The following CRTC2 variants were observed in gnomAD, a reference collection of about 807,000 sequenced individuals.
CRTC2 encodes the protein CREB-regulated transcription coactivator 2.
In CRTC2, 25 loss-of-function variants were observed where a neutral mutation model predicts 70.9. The ratio of observed to expected loss-of-function variants is 0.35; its 90% CI spans 0.26 to 0.49. CRTC2 has a LOEUF of 0.49. Ranked by LOEUF, CRTC2 falls within the 20% of genes least tolerant of loss-of-function variation. The pLI is 0.98. For synonymous variants in CRTC2, 330 were observed against 364.1 expected (o/e 0.91, Z 1.07); for missense variants, 737 against 882.6 (o/e 0.83, Z 2.09).
At position 153,948,607 on chromosome 1, in the gene CRTC2, A is replaced by G; in HGVS notation, c.1712T>C (p.Leu571Pro). ...AGAAAAGCCAGGGGGATCCAGCACCAGGCTGGCTGATGGGCTCTCCATGCT... is the reference window on the plus strand; with the variant it reads ...AGAAAAGCCAGGGGGATCCAGCACCGGGCTGGCTGATGGGCTCTCCATGCT... Reference protein sequence around the residue: ...QFSMESPSASLVLDPPGFSEG... With the variant: ...QFSMESPSASPVLDPPGFSEG... Residue 571 changes from leucine (L) to proline (P), a missense_variant, in exon 13 of 14, where the codon CTG (leucine) becomes CCG (proline). Leu to Pro is a moderately conservative substitution (Grantham distance 98). Transcript: ENST00000368633. 1.3e-6 allele frequency: 2 copies of G among 1,597,202 alleles called. No homozygotes were observed. The highest frequency in any genetic ancestry group is 2.2e-5 in the East Asian group (1 of 44,832).
At position 153,958,517 on chromosome 1, in the gene CRTC2, C is replaced by A. The variant is rs1444308759; in HGVS notation, c.-20G>T. Reference sequence around the variant, plus strand: ...CGCCATCTTCCTTCCCCGTCCCTCCCTGCCACCCTCCCAGTACCAGCCGCG... The same window carrying A: ...CGCCATCTTCCTTCCCCGTCCCTCCATGCCACCCTCCCAGTACCAGCCGCG... On this transcript the variant is annotated 5_prime_UTR_variant, in exon 1 of 14. The change creates a new upstream start codon in the 5' untranslated region. Coordinates refer to ENST00000368633, the MANE Select transcript of CRTC2 (RefSeq NM_181715.3). 2 of 1,600,506 alleles carry A rather than the reference C, an allele frequency of 1.2e-6. No homozygotes were observed. The highest frequency in any genetic ancestry group is 1.7e-4 in the Middle Eastern group (1 of 5,790).
intron 1 of CRTC2, among the ~76,000 whole-genome samples, chr1:153,957,841 C>A (rs1284368147): frequency 1.3e-5 from 2 of 152,124 alleles, no homozygotes; most frequent in Non-Finnish European, 2.9e-5. Flanking sequence ...GGACTTCCTG[C>A]CCCACTATAC....
intron 12 of CRTC2, 88 bp downstream of exon 12, chr1:153,949,027 T>A: frequency 9.9e-6 from 13 of 1,315,164 alleles, no homozygotes; most frequent in Middle Eastern, 1.8e-4. Context: ...GATCTCCCCA[T>A]TCACAGTGCA....
chr1:153,947,997 CT>C lies in CRTC2; in HGVS notation c.*111del. On this transcript the variant is annotated 3_prime_UTR_variant, in exon 14 of 14. Transcript: ENST00000368633. ...TCATTCTTGGCATCCTTCATTCATGCTAGAAAGAGGATCTGGGGACAGAGAG... is the reference window on the plus strand; with the variant it reads ...TCATTCTTGGCATCCTTCATTCATGCAGAAAGAGGATCTGGGGACAGAGAG... The C allele has an allele frequency of 9.3e-7, 1 of 1,079,722 alleles. No homozygotes were observed. Among genetic ancestry groups the C allele is most frequent in the Non-Finnish European group, 1.4e-6 (1 of 725,582 alleles). The allele number at this position is 1,079,722 out of a possible 1,614,324, so 66.9% of individuals were successfully genotyped here. A position where few individuals can be genotyped will look rare whatever the true frequency, so the allele number is the denominator to read the frequency against.
chr1:153,952,210 T>C lies in CRTC2; in HGVS notation c.805A>G (p.Met269Val), dbSNP rs756770225. The C allele has an allele frequency of 1.3e-5, 21 of 1,612,652 alleles. No homozygotes were observed. In the Admixed American group the frequency reaches 3.2e-4, roughly 24 times the overall value. Residue 269 changes from methionine to valine, a missense_variant, in exon 10 of 14, where the codon ATG (methionine) becomes GTG (valine). Met to Val is a conservative substitution (Grantham distance 21). Transcript: ENST00000368633. ...PANVPVLPPA[M>V]NTGGSLPDLT... Reference sequence around the variant, plus strand: ...TCAGGTAGGGAGCCCCCCGTGTTCATGGCAGGTGGGAGGACAGGCACATTG... The same window carrying C: ...TCAGGTAGGGAGCCCCCCGTGTTCACGGCAGGTGGGAGGACAGGCACATTG...
chr1:153,952,444 T>G lies in CRTC2; in HGVS notation c.705A>C (p.Leu235=). 1.2e-6 allele frequency: 2 copies of G among 1,614,072 alleles called. No individual in the cohort carries two copies. Among genetic ancestry groups the G allele is most frequent in the Non-Finnish European group, 1.7e-6 (2 of 1,180,000 alleles). Residue 235 remains leucine (L), a splice_region_variant and synonymous_variant, in exon 9 of 14, where the codon CTA becomes CTC. Transcript: ENST00000368633. ...HLLKPWDAKK[L]SSSSSRPRSC... ...ACCGAGGTCGGGAAGAGGATGAGGA[T>G]AGCTGAGGAGAGAAGGGAGAATATG...
intron 1 of CRTC2, 59 bp downstream of exon 1, chr1:153,958,286 T>C: frequency 6.4e-7 from 1 of 1,568,406 alleles, no homozygotes; most frequent in Non-Finnish European, 8.6e-7. Context: ...GCCCCGCCTC[T>C]CCGGTCTCCG....
chr1:153,955,163 G>A lies in CRTC2; in HGVS notation c.157C>T (p.Gln53Ter). The change falls in exon 2 of 14, where the codon CAG becomes TAG. Residue 53 changes from glutamine to a stop codon, truncating the protein, a stop_gained. Coordinates refer to ENST00000368633, the MANE Select transcript of CRTC2 (RefSeq NM_181715.3). LOFTEE classifies it high-confidence loss of function. ...TATGCCAGTCGCAGTTTTTGGGCCT[G>A]TAACTGAGACATGGGGAACAAGTGG... ...VMMDIGSTRL[Q>*]AQKLRLAYTR... 1 of 1,612,440 alleles carries A rather than the reference G, an allele frequency of 6.2e-7. No individual in the cohort carries two copies. The highest frequency in any genetic ancestry group is 8.5e-7 in the Non-Finnish European group (1 of 1,178,566).
rs762150382 is a variant in CRTC2, at chr1:153,953,535, C to T, written c.503+3G>A. The T allele has an allele frequency of 1.2e-6, 2 of 1,610,010 alleles. No individual in the cohort carries two copies. The highest frequency in any genetic ancestry group is 1.1e-5 in the South Asian group (1 of 90,556). Reference sequence around the variant, plus strand: ...CTGGCCTAAAGAAGGCAAAAGCCATCACCTGTTAAGTGCAGATGGTAGTCG... The same window carrying T: ...CTGGCCTAAAGAAGGCAAAAGCCATTACCTGTTAAGTGCAGATGGTAGTCG... On this transcript the variant is annotated splice_donor_region_variant and intron_variant, in intron 5 of 13. Coordinates refer to ENST00000368633, the MANE Select transcript of CRTC2 (RefSeq NM_181715.3).
At position 153,955,000 on chromosome 1, in the gene CRTC2, G is replaced by A; in HGVS notation, c.256-11C>T. 6.2e-7 allele frequency: 1 copy of A among 1,613,188 alleles called. No homozygotes were observed. The highest frequency in any genetic ancestry group is 8.5e-7 in the Non-Finnish European group (1 of 1,179,196). On this transcript the variant is annotated splice_polypyrimidine_tract_variant and intron_variant, in intron 2 of 13. Coordinates refer to ENST00000368633, the MANE Select transcript of CRTC2 (RefSeq NM_181715.3). The stretch of plus-strand genomic sequence containing the variant: ...TGAGTGGAGGGGGCTCTGCCAAAAA[G>A]GACAGAAGTCAGCAGAGGAAGCAGC...
Position 153,948,070 on chromosome 1 carries a change from GGGGATGGGGCCAAGAAGA to G in CRTC2, c.*21_*38del. On this transcript the variant is annotated 3_prime_UTR_variant, in exon 14 of 14. Transcript: ENST00000368633. ...GGAAGGGAGGAAAGGAATGGTGGTG[GGGGATGGGGCCAAGAAGA>G]GGGATGGTGATGAGGTGCCCTCATT... 1 of 1,589,238 alleles carries G rather than the reference GGGGATGGGGCCAAGAAGA, an allele frequency of 6.3e-7. No individual in the cohort carries two copies.
rs1680117376 is a variant in CRTC2 at position 153,948,214 on chromosome 1, G to A, written c.1977C>T (p.Arg659=). The change falls in exon 14 of 14, where the codon CGC becomes CGT. Residue 659 remains arginine (R), a synonymous_variant. Coordinates refer to ENST00000368633, the MANE Select transcript of CRTC2 (RefSeq NM_181715.3). ...GCCCTTCCAGGCCCAGTGGCTCCATGCGCAGCTCATCTTCTAGCCCAAGCC... is the reference window on the plus strand; with the variant it reads ...GCCCTTCCAGGCCCAGTGGCTCCATACGCAGCTCATCTTCTAGCCCAAGCC... ...ELGLGLEDEL[R]MEPLGLEGLN... 3.1e-6 allele frequency: 5 copies of A among 1,614,242 alleles called. No homozygotes were observed. Among genetic ancestry groups the A allele is most frequent in the Non-Finnish European group, 4.2e-6 (5 of 1,180,038 alleles).
rs1223679138 is a variant in CRTC2, at chr1:153,958,332, C to A, written c.153+13G>T. 1.2e-6 allele frequency: 2 copies of A among 1,610,100 alleles called. No homozygotes were observed. The highest frequency in any genetic ancestry group is 1.7e-6 in the Non-Finnish European group (2 of 1,178,856). On this transcript the variant is annotated intron_variant, in intron 1 of 13. Transcript: ENST00000368633. ...GCTCAGCTCTGCTCCGGCTCCCCGGCGCGGCCCCTCACCCGGGTGGAGCCG... is the reference window on the plus strand; with the variant it reads ...GCTCAGCTCTGCTCCGGCTCCCCGGAGCGGCCCCTCACCCGGGTGGAGCCG...
intron 4 of CRTC2, 28 bp from the exon 5 acceptor site, chr1:153,953,634 AGGAAGGCT>A (rs762344636): frequency 7.3e-5 from 114 of 1,566,364 alleles, no homozygotes; most frequent in Non-Finnish European, 8.7e-5. Context: ...AGTCATGAGG[AGGAAGGCT>A]GGCAGTGGAC....
In CRTC2 at chr1:153,955,133, T is replaced by G; in HGVS notation, c.187A>C (p.Arg63=). The G allele has an allele frequency of 6.2e-7, 1 of 1,614,034 alleles. No individual in the cohort carries two copies. The highest frequency in any genetic ancestry group is 1.6e-4 in the Middle Eastern group (1 of 6,062). Residue 63 remains arginine (R), a synonymous_variant, in exon 2 of 14, where the codon AGG becomes CGG. Transcript: ENST00000368633. The part of the protein sequence containing the change: ...QAQKLRLAYT[R]SSHYGGSLPN... ...AGAGACCCACCATAATGAGAGCTCCTTGTGTATGCCAGTCGCAGTTTTTGG... is the reference window on the plus strand; with the variant it reads ...AGAGACCCACCATAATGAGAGCTCCGTGTGTATGCCAGTCGCAGTTTTTGG...
At chr1:153,952,883 C>T in intron 6 of CRTC2, 49 bp from the exon 7 acceptor site, 1 of 1,609,820 alleles carries the variant, frequency 6.2e-7, no homozygotes, top group Non-Finnish European at 8.5e-7. Flanking sequence ...TGCCTACCTG[C>T]TTTAAATAGC....
At chr1:153,950,348 A>C (rs1680257660) in intron 11 of CRTC2, among the ~76,000 whole-genome samples, 1 of 152,218 alleles carries the variant, frequency 6.6e-6, no homozygotes, top group African/African-American at 2.4e-5. Context: ...GAAAAGGAGA[A>C]AGAAAGGAAG....
At position 153,954,336 on chromosome 1, in the gene CRTC2, G is replaced by GA; in HGVS notation, c.373-21dup. Reference sequence around the variant, plus strand: ...GTCAATGTGAACAGCACCAGTTAAGGAAAAAAGTAGAGAGGACAGATGAGA... The same window carrying GA: ...GTCAATGTGAACAGCACCAGTTAAGGAAAAAAAGTAGAGAGGACAGATGAGA... On this transcript the variant is annotated intron_variant, in intron 3 of 13. Transcript: ENST00000368633. 6.3e-7 allele frequency: 1 copy of GA among 1,578,864 alleles called. No individual in the cohort carries two copies. The highest frequency in any genetic ancestry group is 8.7e-7 in the Non-Finnish European group (1 of 1,150,640).
chr1:153,957,002 T>A (rs958900767), intron 1 of CRTC2, among the ~76,000 whole-genome samples: 1 of 152,170 alleles, frequency 6.6e-6, no homozygotes, highest in African/African-American at 2.4e-5. Flanking sequence ...TCTTCCTGTC[T>A]CTGTCCCCAA....
Sources: allele counts gnomAD v4.1 joint callset (sites outside exome capture counted in the v4.1 genomes callset), GRCh38; gene constraint gnomAD v4.1.1; transcripts MANE v1.5; gene names NCBI Gene and HGNC (gene_info 2026-07-23, HGNC 2026-07-21).